RSPH14: variants seen among roughly 807,000 people sequenced by gnomAD.
RSPH14 encodes rhabdoid tumor deletion region gene 1.
In RSPH14, 20 loss-of-function variants were observed where a neutral mutation model predicts 26.7. That is an observed-to-expected ratio of 0.75 (90% CI 0.53 to 1.09). RSPH14 has a LOEUF of 1.09. Among genes scored for constraint, RSPH14 ranks in the 50% least tolerant of loss-of-function variants. The pLI, the probability that RSPH14 is intolerant of heterozygous loss-of-function variation, is 0.00. For missense variants in RSPH14, 449 were observed against 457.2 expected (o/e 0.98, Z 0.16); for synonymous variants, 177 against 189.3 (o/e 0.93, Z 0.53).
chr22:23,136,211 A>C, intron 3 of RSPH14: 1 of 708,210 alleles, frequency 1.4e-6, no homozygotes, highest in Non-Finnish European at 2.6e-6. Context: ...GGCAGGGAAC[A>C]GGCTGCCAGG....
chr22:23,163,842 G>A, the RSPH14 span: 2 of 152,208 alleles, frequency 1.3e-5, no homozygotes, highest in Non-Finnish European at 2.9e-5. Context: ...TGCCTTCCTA[G>A]GGAGCTGGCG....
intron 2 of RSPH14, among the ~76,000 whole-genome samples, chr22:23,139,158 C>A (rs1417273808): frequency 1.3e-5 from 2 of 152,228 alleles, no homozygotes; most frequent in Non-Finnish European, 2.9e-5. Context: ...ATTCTCCCTG[C>A]ACACTTCCTA....
chr22:23,105,358 T>C (rs963351044), intron 4 of RSPH14, among the ~76,000 whole-genome samples: 4 of 152,234 alleles, frequency 2.6e-5, no homozygotes, highest in Non-Finnish European at 5.9e-5. Flanking sequence ...GATGAATATT[T>C]TTGAAAACCA....
chr22:23,160,031 A>T, the RSPH14 span, among the ~76,000 whole-genome samples: 3 of 152,314 alleles, frequency 2.0e-5, no homozygotes. Context: ...GGATGAAATG[A>T]AGTCATACGC....
chr22:23,127,700 T>C (rs2070219681), intron 4 of RSPH14, among the ~76,000 whole-genome samples: 1 of 152,178 alleles, frequency 6.6e-6, no homozygotes, highest in African/African-American at 2.4e-5. Context: ...TCAGATGACA[T>C]TGGGTGCATT....
At chr22:23,162,748 C>G in the RSPH14 span, 1 of 456,302 alleles carries the variant, frequency 2.2e-6, no homozygotes, top group Admixed American at 2.3e-5. Context: ...GAGCACCTTG[C>G]AGGCAGCCTT....
intron 4 of RSPH14, chr22:23,095,576 C>T: frequency 9.0e-7 from 1 of 1,114,402 alleles, no homozygotes; most frequent in Non-Finnish European, 1.3e-6. Flanking sequence ...CACCCCCCTG[C>T]TGGCACTGAG....
At chr22:23,123,550 C>G in intron 4 of RSPH14, 1 of 641,744 alleles carries the variant, frequency 1.6e-6, no homozygotes, top group South Asian at 1.9e-5. Flanking sequence ...ATGTCCCCCA[C>G]CCCTTGGCCT....
At chr22:23,126,598 A>G (rs929561713) in intron 4 of RSPH14, among the ~76,000 whole-genome samples, 2 of 152,178 alleles carry the variant, frequency 1.3e-5, no homozygotes, top group Admixed American at 6.5e-5. Flanking sequence ...CATTCCTCCA[A>G]ACAATGCCCC....
the RSPH14 span, chr22:23,156,096 A>T: frequency 2.0e-5 from 29 of 1,457,962 alleles, no homozygotes; most frequent in African/African-American, 3.4e-4. Flanking sequence ...CGGGCTCCAC[A>T]GTGGGAATCC....
chr22:23,150,053 C>T, the RSPH14 span: 1 of 1,598,986 alleles, frequency 6.3e-7, no homozygotes, highest in Admixed American at 1.7e-5. Context: ...GTCTGTCTGT[C>T]TCTTTGCAGT....
the RSPH14 span, chr22:23,152,449 T>C: frequency 1.2e-6 from 2 of 1,614,002 alleles, no homozygotes; most frequent in African/African-American, 2.7e-5. Context: ...AACACGGCCA[T>C]ATTTCTCACA....
chr22:23,175,970 T>C, the RSPH14 span, among the ~76,000 whole-genome samples: 2 of 152,234 alleles, frequency 1.3e-5, no homozygotes, highest in East Asian at 1.9e-4. Context: ...CTGCCTCTAC[T>C]TCCCCCCTAG....
chr22:23,129,323 T>C (rs1230851491), intron 4 of RSPH14, among the ~76,000 whole-genome samples: 1 of 152,112 alleles, frequency 6.6e-6, no homozygotes, highest in Non-Finnish European at 1.5e-5. Flanking sequence ...TCACAGATCA[T>C]GAGCAGCACT....
intron 4 of RSPH14, chr22:23,124,099 G>T (rs73386673): frequency 9.5e-6 from 2 of 209,984 alleles, no homozygotes; most frequent in Non-Finnish European, 2.0e-5. Flanking sequence ...CGAGTGGCAC[G>T]ATTTATTTCA....
chr22:23,153,535 G>A, the RSPH14 span: 1 of 982,094 alleles, frequency 1.0e-6, no homozygotes, highest in Non-Finnish European at 1.2e-6. Context: ...CTGTAAAATG[G>A]GGTCAAATCC....
intron 4 of RSPH14, among the ~76,000 whole-genome samples, chr22:23,132,229 C>T (rs75660448): frequency 3.5e-4 from 54 of 152,308 alleles, no homozygotes; most frequent in African/African-American, 1.3e-3. Context: ...AACCCAGGTT[C>T]ATCTGACTCC....
the RSPH14 span, among the ~76,000 whole-genome samples, chr22:23,160,554 G>A: frequency 6.6e-6 from 1 of 152,344 alleles, no homozygotes; most frequent in East Asian, 1.9e-4. Flanking sequence ...TCCAACACTT[G>A]GGCCATAGTA....
At chr22:23,084,541 G>A (rs1205035854) in intron 4 of RSPH14, among the ~76,000 whole-genome samples, 1 of 152,302 alleles carries the variant, frequency 6.6e-6, no homozygotes, top group East Asian at 1.9e-4. Flanking sequence ...TAAACCATCA[G>A]GCCTTCTTGC....
Sources: allele counts gnomAD v4.1 joint callset (sites outside exome capture counted in the v4.1 genomes callset), GRCh38; gene constraint gnomAD v4.1.1; transcripts MANE v1.5; gene names NCBI Gene and HGNC (gene_info 2026-07-23, HGNC 2026-07-21).